The following VIM variants were observed in gnomAD, a reference collection of about 807,000 sequenced individuals.
The protein encoded by VIM is vimentin.
In VIM, 18 loss-of-function variants were observed where a neutral mutation model predicts 50.3. That is an observed-to-expected ratio of 0.36 (90% CI 0.25 to 0.53). The LOEUF is 0.53. Among genes scored for constraint, VIM ranks in the 20% least tolerant of loss-of-function variants. The pLI is 0.91. For synonymous variants in VIM, 245 were observed against 248.5 expected, an observed-to-expected ratio of 0.99 and a Z score of 0.13; for missense variants, 551 against 614.7, an observed-to-expected ratio of 0.90 and a Z score of 1.10.
Position 17,237,379 on chromosome 10 carries a change from C to T in VIM, c.*108C>T, listed in dbSNP as rs2131685111. The T allele has an allele frequency of 9.2e-7, 1 of 1,091,512 alleles. No individual in the cohort carries two copies. The highest frequency in any genetic ancestry group is 1.4e-5 in the South Asian group (1 of 70,748). 67.6% of individuals were successfully genotyped at this position (1,091,512 alleles called of 1,614,324 possible). On this transcript the variant is annotated 3_prime_UTR_variant, in exon 10 of 10. Coordinates refer to ENST00000544301, the MANE Select transcript of VIM (RefSeq NM_003380.5). ...GCCTTTCTGCAGTTTTTCAGGAGCG[C>T]AAGATAGATTTGGAATAGGAATAAG...
At chr10:17,230,437 G>T (rs947548637) in intron 2 of VIM, 1 of 668,914 alleles carries the variant, frequency 1.5e-6, no homozygotes, top group Non-Finnish European at 2.7e-6. Flanking sequence ...TGTCCTGTAG[G>T]TCTGTGCGGC....
At chr10:17,230,118 C>A (rs1846759447) in intron 2 of VIM, 133 bp downstream of exon 2, 2 of 1,176,628 alleles carry the variant, frequency 1.7e-6, no homozygotes, top group Non-Finnish European at 2.3e-6. Flanking sequence ...AGGGAGACAG[C>A]GGAGAGCGGG....
chr10:17,237,270 A>G lies in VIM; in HGVS notation c.1400A>G (p.Ter467=), dbSNP rs369406521. The G allele has an allele frequency of 1.6e-5, 25 of 1,606,550 alleles. No individual in the cohort carries two copies. The highest frequency in any genetic ancestry group is 2.0e-5 in the Non-Finnish European group (24 of 1,175,550). The part of the protein sequence containing the change: ...ETSQHHDDLE[*] ...TCTCAGCATCACGATGACCTTGAAT[A>G]AAAATTGCACACACTCAGTGCAGCA... is the stretch of plus-strand genomic sequence containing the variant. The change falls in exon 10 of 10, where the codon TAA becomes TGA. Residue 467 remains the stop codon, a stop_retained_variant. Coordinates refer to ENST00000544301, the MANE Select transcript of VIM (RefSeq NM_003380.5).
Position 17,230,670 on chromosome 10 carries a change from A to C in VIM, c.584A>C (p.Gln195Pro). The C allele has an allele frequency of 6.2e-7, 1 of 1,614,166 alleles. No individual in the cohort carries two copies. Among genetic ancestry groups the C allele is most frequent in the South Asian group, 1.1e-5 (1 of 91,082 alleles). The change falls in exon 3 of 10, where the codon CAG (glutamine) becomes CCG (proline). Residue 195 changes from glutamine (Q) to proline (P), a missense_variant. Gln to Pro is a moderately conservative substitution (Grantham distance 76). Around this residue, in one of 3 missense-constraint regions of VIM, gnomAD observed 394 missense variants for 437.5 expected, o/e 0.90. Transcript: ENST00000544301. ...TTCAGATTGCAGGAGGAGATGCTTCAGAGAGAGGAAGCCGAAAACACCCTG... is the reference window on the plus strand; with the variant it reads ...TTCAGATTGCAGGAGGAGATGCTTCCGAGAGAGGAAGCCGAAAACACCCTG... ...LREKLQEEMLQREEAENTLQS... is the reference protein window; with the variant it reads ...LREKLQEEMLPREEAENTLQS...
In VIM at chr10:17,230,624, C is replaced by A. The variant is rs1450976480; in HGVS notation, c.564-26C>A. The stretch of plus-strand genomic sequence containing the variant: ...CGCCCCTGGCGGTTTCCTCGTTCCC[C>A]TTTGGTTAATGCGCAACTGTTTCAG... On this transcript the variant is annotated intron_variant, in intron 2 of 9. Transcript: ENST00000544301. The A allele has an allele frequency of 5.6e-6, 9 of 1,613,886 alleles. 1 individual carries two copies. In the South Asian group the frequency reaches 8.8e-5, roughly 16 times the overall value.
chr10:17,229,100 G>T, intron 1 of VIM, 176 bp from the exon 2 acceptor site: 1 of 497,476 alleles, frequency 2.0e-6, no homozygotes, highest in South Asian at 2.2e-5. Flanking sequence ...ACGGGACCAT[G>T]CCCAGTCCCA....
At position 17,229,935 on chromosome 10, in the gene VIM, C is replaced by T. The variant is rs750589084; in HGVS notation, c.513C>T (p.Val171=). 3.7e-6 allele frequency: 6 copies of T among 1,612,808 alleles called. No individual in the cohort carries two copies. The African/African-American group carries it at 5.3e-5, about 14-fold the overall frequency. ...VDQLTNDKAR[V]EVERDNLAED... is the part of the protein sequence containing the mutation. ...AGCTAACCAACGACAAAGCCCGCGT[C>T]GAGGTGGAGCGCGACAACCTGGCCG... Residue 171 remains valine (V), a synonymous_variant, in exon 2 of 10, where the codon GTC becomes GTT. Coordinates refer to ENST00000544301, the MANE Select transcript of VIM (RefSeq NM_003380.5).
chr10:17,230,169 C>T (rs1846760412), intron 2 of VIM, 184 bp downstream of exon 2: 1 of 717,762 alleles, frequency 1.4e-6, no homozygotes, highest in Admixed American at 2.9e-5. Flanking sequence ...GAACCCAGAC[C>T]TTGCAGTTCG....
chr10:17,230,998 G>A lies in VIM; in HGVS notation c.624+288G>A, dbSNP rs539274478. The A allele has an allele frequency of 1.2e-4, 48 of 397,840 alleles. No homozygotes were observed. The Admixed American group carries it at 1.4e-3, about 11-fold the overall frequency. 24.6% of individuals were successfully genotyped at this position (397,840 alleles called of 1,614,324 possible). On this transcript the variant is annotated intron_variant, in intron 3 of 9. Coordinates refer to ENST00000544301, the MANE Select transcript of VIM (RefSeq NM_003380.5). Reference sequence around the variant, plus strand: ...GCTCACTGCATCCTCCGCCTCCCGGGTTCAAGCGATCCTTGAATGATTTCT... The same window carrying A: ...GCTCACTGCATCCTCCGCCTCCCGGATTCAAGCGATCCTTGAATGATTTCT...
At position 17,230,533 on chromosome 10, in the gene VIM, G is replaced by C. The variant is rs1030777463; in HGVS notation, c.564-117G>C. On this transcript the variant is annotated intron_variant, in intron 2 of 9. Transcript: ENST00000544301. Reference sequence around the variant, plus strand: ...GGTCTGAAAGCTGCAGGCGCTAGTTGCGCGGAGGTGGCGCAGCTGCTCTGG... The same window carrying C: ...GGTCTGAAAGCTGCAGGCGCTAGTTCCGCGGAGGTGGCGCAGCTGCTCTGG... 8.5e-6 allele frequency: 10 copies of C among 1,173,444 alleles called. No homozygotes were observed. In the African/African-American group the frequency reaches 1.5e-4, roughly 18 times the overall value. 72.7% of individuals were successfully genotyped at this position (1,173,444 alleles called of 1,614,324 possible). A position where few individuals can be genotyped will look rare whatever the true frequency, so the allele number is the denominator to read the frequency against.
rs1846747931 is a variant in VIM, at chr10:17,229,689, C to G, written c.267C>G (p.Ala89=). ...LLQDSVDFSL[A]DAINTEFKNT... is the part of the protein sequence containing the mutation. ...AGGACTCGGTGGACTTCTCGCTGGC[C>G]GACGCCATCAACACCGAGTTCAAGA... The change falls in exon 2 of 10, where the codon GCC becomes GCG. Residue 89 remains alanine, a synonymous_variant. Coordinates refer to ENST00000544301, the MANE Select transcript of VIM (RefSeq NM_003380.5). 1 of 1,565,312 alleles carries G rather than the reference C, an allele frequency of 6.4e-7. No homozygotes were observed. Among genetic ancestry groups the G allele is most frequent in the South Asian group, 1.2e-5 (1 of 85,590 alleles).
intron 3 of VIM, chr10:17,231,058 AACTTTTT>A (rs1299872270): frequency 4.6e-6 from 1 of 218,184 alleles, no homozygotes; most frequent in African/African-American, 2.3e-5. Flanking sequence ...AAAATCTTTT[AACTTTTT>A]ACTTTGTTTC....
chr10:17,233,495 C>T, intron 3 of VIM, 92 bp from the exon 4 acceptor site: 1 of 1,273,298 alleles, frequency 7.9e-7, no homozygotes, highest in South Asian at 1.2e-5. Context: ...AGTAAGGAGA[C>T]TAGGTTCAGA....
intron 8 of VIM, 128 bp downstream of exon 8, chr10:17,236,017 A>G (rs1166895652): frequency 3.8e-6 from 4 of 1,055,814 alleles, no homozygotes; most frequent in African/African-American, 1.6e-5. Context: ...TAAAACATCT[A>G]TAATTTTCGA....
chr10:17,237,169 T>C (rs1846905191), intron 9 of VIM, 61 bp from the exon 10 acceptor site: 4 of 1,392,182 alleles, frequency 2.9e-6, no homozygotes, highest in Admixed American at 1.9e-5. Flanking sequence ...CCGTGATATA[T>C]AGGATAATTT....
rs1259634798 is a variant in VIM, at chr10:17,233,574, C to G, written c.625-13C>G. ...ACATCCTCCATGTCCTGTCTTTTCTCTGTTCAAAATAGGATGTTGACAATG... is the reference window on the plus strand; with the variant it reads ...ACATCCTCCATGTCCTGTCTTTTCTGTGTTCAAAATAGGATGTTGACAATG... On this transcript the variant is annotated splice_polypyrimidine_tract_variant and intron_variant, in intron 3 of 9. Coordinates refer to ENST00000544301, the MANE Select transcript of VIM (RefSeq NM_003380.5). The G allele has an allele frequency of 1.9e-6, 3 of 1,613,118 alleles. No homozygotes were observed. The highest frequency in any genetic ancestry group is 2.5e-6 in the Non-Finnish European group (3 of 1,179,110).
Position 17,235,249 on chromosome 10 carries a change from C to G in VIM, c.1089C>G (p.Gly363=), listed in dbSNP as rs1311257498. ...CTGCTAACTACCAAGACACTATTGG[C>G]CGCCTGCAGGATGAGATTCAGAATA... is the stretch of plus-strand genomic sequence containing the variant. ...VEAANYQDTI[G]RLQDEIQNMK... The change falls in exon 7 of 10, where the codon GGC becomes GGG. Residue 363 remains glycine (G), a synonymous_variant. Coordinates refer to ENST00000544301, the MANE Select transcript of VIM (RefSeq NM_003380.5). 4.3e-6 allele frequency: 7 copies of G among 1,614,200 alleles called. No individual in the cohort carries two copies. The highest frequency in any genetic ancestry group is 5.9e-6 in the Non-Finnish European group (7 of 1,180,044).
chr10:17,233,993 C>A, intron 5 of VIM, 62 bp downstream of exon 5: 2 of 1,556,858 alleles, frequency 1.3e-6, no homozygotes, highest in Non-Finnish European at 1.7e-6. Flanking sequence ...AAACCCCATA[C>A]CTGTGTGTGA....
In VIM at chr10:17,236,371, G is replaced by C; in HGVS notation, c.1351G>C (p.Asp451His). The change falls in exon 9 of 10, where the codon GAT becomes CAT. Residue 451 changes from aspartate to histidine, a missense_variant. Physicochemically the swap from Asp to His is moderately conservative, Grantham distance 81 (BLOSUM62 -1). Coordinates refer to ENST00000544301, the MANE Select transcript of VIM (RefSeq NM_003380.5). ...TCTGATTAAGACGGTTGAAACTAGA[G>C]ATGGACAGGTTGGTATCTTTTAAGG... ...TLLIKTVETR[D>H]GQVINETSQH... The C allele has an allele frequency of 1.9e-6, 3 of 1,611,876 alleles. No individual in the cohort carries two copies. Among genetic ancestry groups the C allele is most frequent in the Non-Finnish European group, 1.7e-6 (2 of 1,177,996 alleles).
Sources: allele counts gnomAD v4.1 joint callset, GRCh38; gene constraint gnomAD v4.1.1; regional missense constraint gnomAD v4.1.1; transcripts MANE v1.5; gene names NCBI Gene and HGNC (gene_info 2026-07-23, HGNC 2026-07-21).